PHACTR1: variants seen among roughly 807,000 people sequenced by gnomAD.
PHACTR1 encodes the protein phosphatase and actin regulator 1, also known as RPEL repeat containing 1.
In PHACTR1, 16 loss-of-function variants were observed where a neutral mutation model predicts 69.2. The ratio of observed to expected loss-of-function variants is 0.23; its 90% CI spans 0.16 to 0.35. The LOEUF (loss-of-function observed/expected upper bound fraction) is 0.35. Ranked by LOEUF, PHACTR1 falls within the 10% of genes least tolerant of loss-of-function variation. The pLI, the probability that PHACTR1 is intolerant of heterozygous loss-of-function variation, is 1.00. For missense variants in PHACTR1, 510 were observed against 734.7 expected (o/e 0.69, Z 3.54); for synonymous variants, 312 against 284.5 (o/e 1.10, Z -0.97).
chr6:12,908,284 G>A (rs896148053), intron 4 of PHACTR1, among the ~76,000 whole-genome samples: 1 of 151,992 alleles, frequency 6.6e-6, no homozygotes, highest in Non-Finnish European at 1.5e-5. Context: ...AACTTTTCCT[G>A]TTTTACTTTA....
chr6:12,779,853 C>T (rs922450872), intron 4 of PHACTR1, among the ~76,000 whole-genome samples: 6 of 152,094 alleles, frequency 3.9e-5, no homozygotes, highest in Admixed American at 3.9e-4. Flanking sequence ...TAAGCAAAGC[C>T]CTTTCCGTAT....
chr6:12,931,744 G>A (rs370488924), intron 4 of PHACTR1, among the ~76,000 whole-genome samples: 7 of 151,464 alleles, frequency 4.6e-5, no homozygotes, highest in Non-Finnish European at 7.4e-5. Context: ...AATTGCCCTC[G>A]TATTCTTTCT....
At chr6:12,873,786 GAGGACTTGGTTTTCTGCTTTGTAC>G (rs1398523361) in intron 4 of PHACTR1, among the ~76,000 whole-genome samples, 4 of 148,196 alleles carry the variant, frequency 2.7e-5, no homozygotes, top group African/African-American at 9.6e-5. Flanking sequence ...ATGTAAGGGA[GAGGACTTGGTTTTCTGCTTTGTAC>G]AGTAACAACA....
chr6:13,230,757 C>T (rs555650730), intron 10 of PHACTR1, among the ~76,000 whole-genome samples: 10 of 150,876 alleles, frequency 6.6e-5, no homozygotes, highest in African/African-American at 9.7e-5. Flanking sequence ...TGGCTCACAC[C>T]GGTAGTCCTA....
intron 3 of PHACTR1, among the ~76,000 whole-genome samples, chr6:12,731,078 C>T (rs1212072483): frequency 4.0e-5 from 6 of 151,422 alleles, no homozygotes; most frequent in Non-Finnish European, 7.4e-5. Context: ...TGCAGTGGCA[C>T]GATATTGTCT....
intron 4 of PHACTR1, among the ~76,000 whole-genome samples, chr6:12,758,817 C>T (rs1171832454): frequency 1.3e-5 from 2 of 151,984 alleles, no homozygotes; most frequent in East Asian, 3.9e-4. Flanking sequence ...GTATCCTACC[C>T]TAGTATTAAA....
intron 7 of PHACTR1, among the ~76,000 whole-genome samples, chr6:13,198,702 G>C (rs1339147678): frequency 6.6e-6 from 1 of 151,812 alleles, no homozygotes; most frequent in East Asian, 1.9e-4. Flanking sequence ...ATTTTGTGTC[G>C]GGCCACATTC....
At chr6:13,048,265 GCTCAGT>G (rs1355210861) in intron 4 of PHACTR1, among the ~76,000 whole-genome samples, 2 of 152,160 alleles carry the variant, frequency 1.3e-5, no homozygotes, top group Non-Finnish European at 2.9e-5. Flanking sequence ...GATTCAACAT[GCTCAGT>G]CCTGGCAGTT....
At chr6:12,969,895 G>A (rs1281180024) in intron 4 of PHACTR1, among the ~76,000 whole-genome samples, 1 of 152,234 alleles carries the variant, frequency 6.6e-6, no homozygotes, top group South Asian at 2.1e-4. Flanking sequence ...CCCAGGAGGT[G>A]GAGGTTGCAG....
At chr6:12,936,698 C>T (rs1471791896) in intron 4 of PHACTR1, among the ~76,000 whole-genome samples, 2 of 152,228 alleles carry the variant, frequency 1.3e-5, no homozygotes, top group Non-Finnish European at 2.9e-5. Context: ...ATAGGAAATG[C>T]GGCAGCAGGA....
chr6:12,977,704 C>T (rs1400768405), intron 4 of PHACTR1, among the ~76,000 whole-genome samples: 1 of 152,210 alleles, frequency 6.6e-6, no homozygotes, highest in Non-Finnish European at 1.5e-5. Flanking sequence ...GAAAGTCTTT[C>T]TCTAGACCTT....
rs1358252115 is a variant in PHACTR1 at position 13,205,801 on chromosome 6, TC to T, written c.665-13del. The T allele has an allele frequency of 6.4e-7, 1 of 1,567,692 alleles. No homozygotes were observed. The highest frequency in any genetic ancestry group is 8.7e-7 in the Non-Finnish European group (1 of 1,150,700). On this transcript the variant is annotated splice_polypyrimidine_tract_variant and intron_variant, in intron 7 of 14. Coordinates refer to ENST00000332995, the MANE Select transcript of PHACTR1 (RefSeq NM_030948.6). Reference sequence around the variant, plus strand: ...CCAAACTCACATCTGCCTCTCGCCCTCTTTCTGCCACAGATCCTGGCGCCCC... The same window carrying T: ...CCAAACTCACATCTGCCTCTCGCCCTTTTCTGCCACAGATCCTGGCGCCCC...
chr6:12,745,651 T>C (rs1251195328), intron 3 of PHACTR1, among the ~76,000 whole-genome samples: 2 of 152,244 alleles, frequency 1.3e-5, no homozygotes, highest in Non-Finnish European at 2.9e-5. Context: ...GGATGCCATG[T>C]GGTTTTCTAA....
chr6:13,143,973 T>C (rs1413133663), intron 5 of PHACTR1, among the ~76,000 whole-genome samples: 2 of 152,160 alleles, frequency 1.3e-5, no homozygotes, highest in East Asian at 3.8e-4. Flanking sequence ...GATCAATTCA[T>C]AGGTGCAGAT....
intron 4 of PHACTR1, among the ~76,000 whole-genome samples, chr6:13,050,667 C>A (rs1410047841): frequency 1.3e-5 from 2 of 152,138 alleles, no homozygotes; most frequent in Non-Finnish European, 2.9e-5. Context: ...TTCTTCATTA[C>A]CTCAGGAAAT....
chr6:12,891,970 C>G lies in PHACTR1; in HGVS notation c.250+142180C>G, dbSNP rs543011590. Among the ~76,000 whole-genome samples the G allele has an allele frequency of 2.6e-4, 39 of 152,342 alleles. 1 individual carries two copies. The South Asian group carries it at 8.1e-3, about 32-fold the overall frequency. On this transcript the variant is annotated intron_variant, in intron 4 of 14. Transcript: ENST00000332995. ...GAATGAGATAATACTTGTAAGGCTGCTATTAGCAATTCCATCAATCATTCC... is the reference window on the plus strand; with the variant it reads ...GAATGAGATAATACTTGTAAGGCTGGTATTAGCAATTCCATCAATCATTCC...
chr6:12,867,254 G>A (rs1386931448), intron 4 of PHACTR1, among the ~76,000 whole-genome samples: 1 of 152,192 alleles, frequency 6.6e-6, no homozygotes, highest in Non-Finnish European at 1.5e-5. Flanking sequence ...CTTCACAGTA[G>A]GCACCTGACT....
chr6:12,884,844 C>T (rs1467974255), intron 4 of PHACTR1, among the ~76,000 whole-genome samples: 1 of 152,162 alleles, frequency 6.6e-6, no homozygotes, highest in Non-Finnish European at 1.5e-5. Context: ...CATACACACA[C>T]ACAAATCCTT....
chr6:13,195,752 C>T (rs567732937), intron 7 of PHACTR1, among the ~76,000 whole-genome samples: 45 of 15,774 alleles, frequency 2.9e-3, no homozygotes, highest in Admixed American at 7.4e-3. Context: ...AGAGAGACAC[C>T]GTCTCAAAAA....
Sources: gnomAD v4.1 joint callset for allele counts (sites outside exome capture counted in the v4.1 genomes callset) on GRCh38, gnomAD v4.1.1 for gene constraint, MANE v1.5 for transcripts, NCBI Gene and HGNC (gene_info 2026-07-23, HGNC 2026-07-21) for gene names.